Variants in SCAPER observed in about 807,000 individuals in gnomAD.
SCAPER encodes the protein S-phase cyclin A associated protein in the ER, also known as S phase cyclin A-associated protein in the endoplasmic reticulum.
A neutral mutation model predicts 182.2 loss-of-function variants in SCAPER; 98 were observed. The ratio of observed to expected loss-of-function variants is 0.54; its 90% CI spans 0.46 to 0.64. The LOEUF is 0.64. Ranked by LOEUF, SCAPER falls within the 30% of genes least tolerant of loss-of-function variation. The pLI, the probability that SCAPER is intolerant of heterozygous loss-of-function variation, is 0.00. For synonymous variants in SCAPER, 605 were observed against 564.6 expected (o/e 1.07, Z -1.01); for missense variants, 1,432 against 1,690.0 (o/e 0.85, Z 2.68).
chr15:76,729,854 T>C (rs1023192186), intron 16 of SCAPER, among the ~76,000 whole-genome samples: 1 of 152,064 alleles, frequency 6.6e-6, no homozygotes, highest in Admixed American at 6.6e-5. Context: ...CATGAAATAT[T>C]TGTCACTAAC....
chr15:76,790,772 A>G (rs941869726), intron 8 of SCAPER, among the ~76,000 whole-genome samples: 1 of 152,180 alleles, frequency 6.6e-6, no homozygotes. Flanking sequence ...CTACTGGTCT[A>G]TTTAAAAGAA....
At chr15:76,639,810 G>T (rs142339175) in intron 21 of SCAPER, among the ~76,000 whole-genome samples, 1 of 150,964 alleles carries the variant, frequency 6.6e-6, no homozygotes, top group Non-Finnish European at 1.5e-5. Context: ...CTTAAAAGTT[G>T]TGTTAAACCA....
chr15:76,552,750 C>T (rs1221318111), intron 23 of SCAPER, among the ~76,000 whole-genome samples: 1 of 152,118 alleles, frequency 6.6e-6, no homozygotes. Context: ...CTGCCCCCAC[C>T]CCCAGCCAGG....
chr15:76,397,534 G>A (rs184478150), intron 27 of SCAPER, among the ~76,000 whole-genome samples: 43 of 133,648 alleles, frequency 3.2e-4, no homozygotes, highest in African/African-American at 1.1e-3. Context: ...AGGCTGGAGT[G>A]CAGTGGCGTG....
At chr15:76,567,227 C>A in intron 23 of SCAPER, 1 of 375,102 alleles carries the variant, frequency 2.7e-6, no homozygotes, top group South Asian at 2.1e-5. Flanking sequence ...AGATGTAGTT[C>A]ATTCATTTTT....
intron 26 of SCAPER, among the ~76,000 whole-genome samples, chr15:76,422,159 G>A (rs2046093100): frequency 6.6e-6 from 1 of 152,148 alleles, no homozygotes; most frequent in African/African-American, 2.4e-5. Context: ...TGTGAAGAAA[G>A]TCACTGGTAG....
intron 29 of SCAPER, among the ~76,000 whole-genome samples, chr15:76,375,921 G>A (rs1167962261): frequency 1.3e-5 from 2 of 152,216 alleles, no homozygotes; most frequent in African/African-American, 4.8e-5. Context: ...GGAGGCAGAG[G>A]TTGCAGTGAG....
intron 17 of SCAPER, among the ~76,000 whole-genome samples, chr15:76,712,101 A>C (rs2059616587): frequency 6.6e-6 from 1 of 152,114 alleles, no homozygotes; most frequent in African/African-American, 2.4e-5. Flanking sequence ...ATCCATCTTG[A>C]ATTAATTTTT....
chr15:76,591,198 A>C (rs989346994), intron 22 of SCAPER, among the ~76,000 whole-genome samples: 2 of 152,142 alleles, frequency 1.3e-5, no homozygotes, highest in African/African-American at 4.8e-5. Context: ...AAAAAAAAGA[A>C]AAAGAAAAAT....
intron 5 of SCAPER, among the ~76,000 whole-genome samples, chr15:76,805,714 C>A (rs561580463): frequency 6.6e-6 from 1 of 151,912 alleles, no homozygotes; most frequent in African/African-American, 2.4e-5. Flanking sequence ...ATTACAGGCA[C>A]GTGCCACCAT....
At chr15:76,692,957 T>C (rs745950563) in intron 20 of SCAPER, among the ~76,000 whole-genome samples, 1 of 152,042 alleles carries the variant, frequency 6.6e-6, no homozygotes, top group Non-Finnish European at 1.5e-5. Context: ...TATTGCAATA[T>C]TCTGTATCTA....
At chr15:76,621,256 T>A (rs1335124523) in intron 22 of SCAPER, among the ~76,000 whole-genome samples, 1 of 152,214 alleles carries the variant, frequency 6.6e-6, no homozygotes, top group Non-Finnish European at 1.5e-5. Flanking sequence ...CTAGCTATTA[T>A]TTAATTACAT....
intron 2 of SCAPER, among the ~76,000 whole-genome samples, chr15:76,875,881 C>T (rs190454001): frequency 6.6e-6 from 1 of 152,114 alleles, no homozygotes; most frequent in Non-Finnish European, 1.5e-5. Flanking sequence ...CAGGGGGCGG[C>T]GCTGGTCGAG....
chr15:76,837,007 T>C (rs941530546), intron 5 of SCAPER, among the ~76,000 whole-genome samples: 2 of 151,984 alleles, frequency 1.3e-5, no homozygotes, highest in African/African-American at 2.4e-5. Context: ...CCAAAAGCAA[T>C]TGCAACAAAA....
At chr15:76,414,799 T>C (rs1485754600) in intron 26 of SCAPER, among the ~76,000 whole-genome samples, 2 of 152,200 alleles carry the variant, frequency 1.3e-5, no homozygotes, top group African/African-American at 4.8e-5. Context: ...TTGGAGATTT[T>C]TAACACTCCT....
In SCAPER at chr15:76,702,986, C is replaced by A. The variant is rs763084880; in HGVS notation, c.2264G>T (p.Arg755Leu). ...TTGTTCAATCTGTTCCATGTGCCTT[C>A]GAATACTTTCATCATGCTGTAGATG... The part of the protein sequence containing the change: ...KIQLKHDESI[R>L]RHMEQIEQRK... The change falls in exon 19 of 32, where the codon CGA (arginine) becomes CTA (leucine). Residue 755 changes from arginine to leucine, a missense_variant. Physicochemically the swap from Arg to Leu is moderately radical, Grantham distance 102. Transcript: ENST00000563290. 6.3e-7 allele frequency: 1 copy of A among 1,575,290 alleles called. No homozygotes were observed. The highest frequency in any genetic ancestry group is 8.6e-7 in the Non-Finnish European group (1 of 1,166,200).
intron 1 of SCAPER, among the ~76,000 whole-genome samples, chr15:76,885,947 T>C (rs2073815581): frequency 6.6e-6 from 1 of 152,244 alleles, no homozygotes; most frequent in South Asian, 2.1e-4. Context: ...CTACTGTGAA[T>C]ATGCTGCAAT....
At chr15:76,894,581 A>C (rs1380137034) in intron 1 of SCAPER, among the ~76,000 whole-genome samples, 2 of 152,206 alleles carry the variant, frequency 1.3e-5, no homozygotes, top group Non-Finnish European at 2.9e-5. Flanking sequence ...AATAGAGAAT[A>C]GAAAAACAGA....
chr15:76,742,347 GAAGAAAGCA>G (rs1457949366), intron 15 of SCAPER, among the ~76,000 whole-genome samples: 3 of 146,346 alleles, frequency 2.0e-5, no homozygotes, highest in African/African-American at 7.5e-5. Context: ...TAATCTAGAG[GAAGAAAGCA>G]AAGGACCAGG....
Sources: gnomAD v4.1 joint callset for allele counts (sites outside exome capture counted in the v4.1 genomes callset) on GRCh38, gnomAD v4.1.1 for gene constraint, MANE v1.5 for transcripts, NCBI Gene and HGNC (gene_info 2026-07-23, HGNC 2026-07-21) for gene names.